PTPRB: variants seen among roughly 807,000 people sequenced by gnomAD.
The protein encoded by PTPRB is protein tyrosine phosphatase receptor type B, also known as receptor-type tyrosine-protein phosphatase beta.
PTPRB carries 97 observed loss-of-function variants against 238.1 expected under a neutral mutation model. The observed-to-expected ratio is 0.41, with a 90% CI of 0.35 to 0.48. The LOEUF is 0.48. PTPRB is among the 20% of genes least tolerant of loss of function. The pLI, the probability that PTPRB is intolerant of heterozygous loss-of-function variation, is 0.30. For missense variants in PTPRB, 2,292 were observed against 2,681.9 expected, an observed-to-expected ratio of 0.85 and a Z score of 3.21; for synonymous variants, 970 against 995.4, an observed-to-expected ratio of 0.97 and a Z score of 0.48.
In PTPRB at chr12:70,572,104, G is replaced by A. The variant is rs1198500583; in HGVS notation, c.2843-17C>T. ...TGTCAGGCACTGAAAAGGAAACAGA[G>A]AGTAACTAAATATTTATGAATTCTG... On this transcript the variant is annotated splice_polypyrimidine_tract_variant and intron_variant, in intron 11 of 33. Transcript: ENST00000334414. The A allele has an allele frequency of 3.1e-6, 5 of 1,588,904 alleles. No individual in the cohort carries two copies. The highest frequency in any genetic ancestry group is 1.7e-4 in the Middle Eastern group (1 of 5,944).
rs1438526355 is a variant in PTPRB, at chr12:70,635,761, T to G, written c.361A>C (p.Lys121Gln). Reference sequence around the variant, plus strand: ...CTATGGAGGTATTTCCTGGCCTTCTTGACCACTACTCTGGAGCCTTGTTTC... The same window carrying G: ...CTATGGAGGTATTTCCTGGCCTTCTGGACCACTACTCTGGAGCCTTGTTTC... Reference protein sequence around the residue: ...LQKQGSRVVVKKARKYLHSWM... With the variant: ...LQKQGSRVVVQKARKYLHSWM... The change falls in exon 2 of 34, where the codon AAG (lysine) becomes CAG (glutamine). Residue 121 changes from lysine (K) to glutamine (Q), a missense_variant. Coordinates refer to ENST00000334414, the MANE Select transcript of PTPRB (RefSeq NM_001109754.4). 1.9e-6 allele frequency: 3 copies of G among 1,613,848 alleles called. No individual in the cohort carries two copies. Among genetic ancestry groups the G allele is most frequent in the Non-Finnish European group, 2.5e-6 (3 of 1,179,888 alleles).
Position 70,521,490 on chromosome 12 carries a change from C to G in PTPRB, c.6647G>C (p.Ter2216SerextTer4). 1 of 1,543,470 alleles carries G rather than the reference C, an allele frequency of 6.5e-7. No homozygotes were observed. Among genetic ancestry groups the G allele is most frequent in the Non-Finnish European group, 8.7e-7 (1 of 1,144,452 alleles). ...TCCAGGAGCTCTTCAGGTACATTCT[C>G]AATGCCTTGAATAGACTGGATCTGA... ...YHRDPVYSRH[*>S] Residue 2216 changes from the stop codon to serine, a stop_lost, in exon 34 of 34, where the codon TGA becomes TCA. Coordinates refer to ENST00000334414, the MANE Select transcript of PTPRB (RefSeq NM_001109754.4).
chr12:70,527,379 A>AT (rs1490677297), intron 32 of PTPRB, among the ~76,000 whole-genome samples: 14 of 152,194 alleles, frequency 9.2e-5, no homozygotes, highest in African/African-American at 3.4e-4. Context: ...TTTCACATAT[A>AT]TTCTGGAAAC....
intron 33 of PTPRB, among the ~76,000 whole-genome samples, chr12:70,523,722 T>C (rs11830692): frequency 0.049 from 7,481 of 151,842 alleles, 609 homozygotes; most frequent in African/African-American, 0.17. Flanking sequence ...GGAGAAGAAA[T>C]GGGTGGTGTA....
At chr12:70,544,201 C>T (rs1405091821) in intron 22 of PTPRB, among the ~76,000 whole-genome samples, 1 of 151,924 alleles carries the variant, frequency 6.6e-6, no homozygotes, top group African/African-American at 2.4e-5. Flanking sequence ...CTGAGCATTT[C>T]TGTGTATATG....
At chr12:70,595,400 T>G (rs1189563755) in intron 5 of PTPRB, among the ~76,000 whole-genome samples, 1 of 152,196 alleles carries the variant, frequency 6.6e-6, no homozygotes, top group Non-Finnish European at 1.5e-5. Flanking sequence ...TATACCTATG[T>G]AACAAACCTG....
At position 70,576,393 on chromosome 12, in the gene PTPRB, T is replaced by C; in HGVS notation, c.2831A>G (p.Gln944Arg). ...SGKYENHSFS[Q>R]ERTVPDKVQG... Reference sequence around the variant, plus strand: ...TCATACAGCCTTACCTGTCCGCTCTTGGCTGAAGGAGTGATTTTCATACTT... The same window carrying C: ...TCATACAGCCTTACCTGTCCGCTCTCGGCTGAAGGAGTGATTTTCATACTT... Residue 944 changes from glutamine (Q) to arginine (R), a missense_variant, in exon 11 of 34, where the codon CAA becomes CGA. Transcript: ENST00000334414. 6.2e-7 allele frequency: 1 copy of C among 1,612,202 alleles called. No homozygotes were observed. The highest frequency in any genetic ancestry group is 1.1e-5 in the South Asian group (1 of 90,420).
chr12:70,550,983 C>T (rs959230943), intron 21 of PTPRB, among the ~76,000 whole-genome samples: 1 of 152,082 alleles, frequency 6.6e-6, no homozygotes, highest in African/African-American at 2.4e-5. Flanking sequence ...GCAACCTCCA[C>T]CTCTAGGGTT....
intron 1 of PTPRB, among the ~76,000 whole-genome samples, chr12:70,636,861 G>T (rs975165908): frequency 3.3e-5 from 5 of 152,132 alleles, no homozygotes; most frequent in African/African-American, 9.7e-5. Flanking sequence ...TTTCAATGAG[G>T]TTTTACTTAA....
At chr12:70,534,218 AAGT>A (rs1224048439) in intron 31 of PTPRB, among the ~76,000 whole-genome samples, 2 of 152,178 alleles carry the variant, frequency 1.3e-5, no homozygotes, top group African/African-American at 4.8e-5. Context: ...GCATTTCAGA[AAGT>A]AGGAAAAAAG....
intron 29 of PTPRB, among the ~76,000 whole-genome samples, chr12:70,535,238 T>G (rs1339927388): frequency 1.1e-4 from 16 of 150,080 alleles, no homozygotes; most frequent in South Asian, 4.3e-4. Flanking sequence ...TTTTTTTTTT[T>G]TTTTTTTTTT....
chr12:70,568,099 G>A (rs1367883846), intron 14 of PTPRB, among the ~76,000 whole-genome samples: 1 of 152,124 alleles, frequency 6.6e-6, no homozygotes, highest in African/African-American at 2.4e-5. Flanking sequence ...CACTTCACCT[G>A]GATGACTTCT....
chr12:70,588,095 C>CAAAAAAAAAAA (rs10558140), intron 8 of PTPRB, among the ~76,000 whole-genome samples: 13 of 104,618 alleles, frequency 1.2e-4, no homozygotes, highest in East Asian at 6.0e-4. Flanking sequence ...GACTCTGTCT[C>CAAAAAAAAAAA]AAAAAAAAAA....
At chr12:70,619,313 GATAATGATA>G (rs1429866175) in intron 3 of PTPRB, among the ~76,000 whole-genome samples, 2 of 34,094 alleles carry the variant, frequency 5.9e-5, no homozygotes, top group Non-Finnish European at 9.9e-5. Flanking sequence ...TGATGATGAT[GATAATGATA>G]ATGATAATGA....
At chr12:70,604,703 T>C (rs1232915111) in intron 4 of PTPRB, among the ~76,000 whole-genome samples, 1 of 152,174 alleles carries the variant, frequency 6.6e-6, no homozygotes, top group Non-Finnish European at 1.5e-5. Context: ...ATACGGCCTT[T>C]AAAGAGGTGA....
intron 25 of PTPRB, 34 bp downstream of exon 25, chr12:70,539,793 G>A (rs770012879): frequency 1.3e-4 from 207 of 1,598,618 alleles, no homozygotes; most frequent in Non-Finnish European, 1.4e-4. Flanking sequence ...TTCAAAGGCA[G>A]ATAATATAGT....
In PTPRB at chr12:70,571,078, G is replaced by C; in HGVS notation, c.3318C>G (p.Val1106=). The change falls in exon 13 of 34, where the codon GTC becomes GTG. Residue 1106 remains valine, a synonymous_variant. Coordinates refer to ENST00000334414, the MANE Select transcript of PTPRB (RefSeq NM_001109754.4). ...GCTGTACATCCCCGCTAATCGTCAA[G>C]ACAAGAATTTTGTATTGGCGGCCTG... is the stretch of plus-strand genomic sequence containing the variant. ...LTPGRQYKIL[V]LTISGDVQQS... The C allele has an allele frequency of 6.2e-7, 1 of 1,613,980 alleles. No homozygotes were observed. Among genetic ancestry groups the C allele is most frequent in the South Asian group, 1.1e-5 (1 of 91,072 alleles).
At chr12:70,561,416 G>C (rs1878467566) in intron 16 of PTPRB, among the ~76,000 whole-genome samples, 1 of 152,120 alleles carries the variant, frequency 6.6e-6, no homozygotes, top group Non-Finnish European at 1.5e-5. Flanking sequence ...AGGGAGAGAA[G>C]TGTTAACAGT....
At position 70,569,858 on chromosome 12, in the gene PTPRB, C is replaced by G. The variant is rs375575841; in HGVS notation, c.3451G>C (p.Gly1151Arg). 4 of 1,613,822 alleles carry G rather than the reference C, an allele frequency of 2.5e-6. No homozygotes were observed. Among genetic ancestry groups the G allele is most frequent in the Non-Finnish European group, 3.4e-6 (4 of 1,179,888 alleles). Residue 1151 changes from glycine to arginine, a missense_variant, in exon 14 of 34, where the codon GGA becomes CGA. Gly to Arg is a moderately radical substitution (Grantham distance 125). This residue lies in a region of PTPRB where 683 missense variants were observed against 862.0 expected (regional missense o/e 0.79). Coordinates refer to ENST00000334414, the MANE Select transcript of PTPRB (RefSeq NM_001109754.4). ...GACACCGTGTAGGAATCAACGTCTC[C>G]CCCACCAGGAGTCCAGTTCACCGTC... Reference protein sequence around the residue: ...SLTVNWTPGGGDVDSYTVSAF... With the variant: ...SLTVNWTPGGRDVDSYTVSAF...
Sources: gnomAD v4.1 joint callset for allele counts (sites outside exome capture counted in the v4.1 genomes callset) on GRCh38, gnomAD v4.1.1 for gene constraint, gnomAD v4.1.1 regional missense constraint, MANE v1.5 for transcripts, NCBI Gene and HGNC (gene_info 2026-07-23, HGNC 2026-07-21) for gene names.